Variants in SMYD3 observed in about 807,000 individuals in gnomAD.
The protein encoded by SMYD3 is histone-lysine N-methyltransferase SMYD3.
A neutral mutation model predicts 57.7 loss-of-function variants in SMYD3; 36 were observed. The observed-to-expected ratio is 0.62, with a 90% CI of 0.48 to 0.82. The LOEUF (loss-of-function observed/expected upper bound fraction) is 0.82. Among genes scored for constraint, SMYD3 ranks in the 40% least tolerant of loss-of-function variants. The probability of loss-of-function intolerance (pLI) is 0.00; values close to 1 mark genes in which losing one functional copy is unlikely to be tolerated. For missense variants in SMYD3, 515 were observed against 538.8 expected, an observed-to-expected ratio of 0.96 and a Z score of 0.44; for synonymous variants, 211 against 195.0, an observed-to-expected ratio of 1.08 and a Z score of -0.68.
intron 10 of SMYD3, among the ~76,000 whole-genome samples, chr1:245,813,171 C>A (rs1192419398): frequency 2.0e-5 from 3 of 151,828 alleles, no homozygotes; most frequent in Non-Finnish European, 2.9e-5. Context: ...CCCGCCACCA[C>A]GCCCGGCTAA....
intron 5 of SMYD3, among the ~76,000 whole-genome samples, chr1:246,003,178 C>T (rs2059109373): frequency 6.6e-6 from 1 of 152,124 alleles, no homozygotes; most frequent in African/African-American, 2.4e-5. Context: ...ACAGAAGAAC[C>T]GAACCCAGAA....
At chr1:246,463,833 C>CAAAAAAAAAA (rs35826530) in intron 1 of SMYD3, among the ~76,000 whole-genome samples, 1 of 70,486 alleles carries the variant, frequency 1.4e-5, no homozygotes, top group African/African-American at 6.1e-5. Flanking sequence ...GACCCCGTCT[C>CAAAAAAAAAA]AAAAAAAAAA....
intron 10 of SMYD3, among the ~76,000 whole-genome samples, chr1:245,821,044 T>A (rs2049127990): frequency 6.6e-6 from 1 of 150,746 alleles, no homozygotes; most frequent in African/African-American, 2.4e-5. Flanking sequence ...GGAAAAAAAC[T>A]ACTTTAAAGT....
At chr1:246,237,632 A>G (rs916245763) in intron 5 of SMYD3, among the ~76,000 whole-genome samples, 3 of 152,248 alleles carry the variant, frequency 2.0e-5, no homozygotes, top group African/African-American at 7.2e-5. Flanking sequence ...CTTTTGAATG[A>G]CATTTTAAAA....
intron 5 of SMYD3, among the ~76,000 whole-genome samples, chr1:246,078,630 G>A (rs1407628930): frequency 1.3e-5 from 2 of 152,206 alleles, no homozygotes; most frequent in African/African-American, 4.8e-5. Flanking sequence ...AGAAGTGACT[G>A]AAGGAAGGGT....
intron 11 of SMYD3, among the ~76,000 whole-genome samples, chr1:245,756,309 T>G (rs2045604544): frequency 6.6e-6 from 1 of 151,758 alleles, no homozygotes. Context: ...TGTAATACAA[T>G]TGCCCTAAAT....
chr1:245,884,429 T>C (rs1252650491), intron 8 of SMYD3, among the ~76,000 whole-genome samples: 1 of 152,018 alleles, frequency 6.6e-6, no homozygotes, highest in Non-Finnish European at 1.5e-5. Flanking sequence ...GGTTTTGTGG[T>C]GAAATGCATG....
At chr1:246,029,174 C>T (rs1231070614) in intron 5 of SMYD3, among the ~76,000 whole-genome samples, 1 of 152,106 alleles carries the variant, frequency 6.6e-6, no homozygotes, top group Non-Finnish European at 1.5e-5. Flanking sequence ...ATGGCTAAGA[C>T]CTCAAAAGTA....
intron 5 of SMYD3, among the ~76,000 whole-genome samples, chr1:246,162,397 A>AT (rs2062137225): frequency 6.6e-6 from 1 of 152,174 alleles, no homozygotes; most frequent in African/African-American, 2.4e-5. Context: ...CATATAAATA[A>AT]ATATTTCTGA....
intron 5 of SMYD3, among the ~76,000 whole-genome samples, chr1:246,117,319 G>C (rs193088864): frequency 1.3e-5 from 2 of 152,198 alleles, no homozygotes; most frequent in South Asian, 2.1e-4. Context: ...AGCACCTTCC[G>C]TTAGAAGGAA....
intron 5 of SMYD3, among the ~76,000 whole-genome samples, chr1:246,273,780 T>C (rs1176124374): frequency 6.6e-6 from 1 of 151,844 alleles, no homozygotes; most frequent in African/African-American, 2.4e-5. Flanking sequence ...AGACAGGGTT[T>C]CACCATGTTG....
At chr1:245,792,931 A>T (rs2047337130) in intron 10 of SMYD3, among the ~76,000 whole-genome samples, 1 of 152,190 alleles carries the variant, frequency 6.6e-6, no homozygotes, top group Non-Finnish European at 1.5e-5. Flanking sequence ...GTTATAAAAC[A>T]CTGTGCTGAA....
intron 5 of SMYD3, among the ~76,000 whole-genome samples, chr1:246,239,744 C>T (rs1434296655): frequency 6.6e-6 from 1 of 151,918 alleles, no homozygotes; most frequent in Non-Finnish European, 1.5e-5. Flanking sequence ...ACATCTTCTC[C>T]AGCACCTGTT....
At chr1:246,139,867 C>T (rs758183501) in intron 5 of SMYD3, among the ~76,000 whole-genome samples, 3 of 152,184 alleles carry the variant, frequency 2.0e-5, no homozygotes, top group Non-Finnish European at 4.4e-5. Flanking sequence ...TTTAAATATG[C>T]CATGGATAGT....
chr1:245,894,117 C>T (rs1387901982), intron 8 of SMYD3, among the ~76,000 whole-genome samples: 1 of 152,170 alleles, frequency 6.6e-6, no homozygotes, highest in South Asian at 2.1e-4. Context: ...TTCTGTCTTA[C>T]AAGGGGATTG....
intron 5 of SMYD3, among the ~76,000 whole-genome samples, chr1:245,990,139 G>A (rs2058785874): frequency 6.6e-6 from 1 of 152,124 alleles, no homozygotes; most frequent in Non-Finnish European, 1.5e-5. Context: ...GTGTGATCAT[G>A]GCTCACTGCA....
At chr1:246,133,537 T>A (rs1156778910) in intron 5 of SMYD3, among the ~76,000 whole-genome samples, 1 of 152,138 alleles carries the variant, frequency 6.6e-6, no homozygotes, top group African/African-American at 2.4e-5. Flanking sequence ...TAGTTAAGAA[T>A]GTACAGGAAA....
chr1:246,459,268 GTCC>G (rs1434589872), intron 1 of SMYD3, among the ~76,000 whole-genome samples: 3 of 144,500 alleles, frequency 2.1e-5, no homozygotes, highest in Admixed American at 7.0e-5. Context: ...TCGTGATAGA[GTCC>G]TCAAGAGATC....
At chr1:246,418,196 A>C (rs2102994106) in intron 1 of SMYD3, among the ~76,000 whole-genome samples, 1 of 152,386 alleles carries the variant, frequency 6.6e-6, no homozygotes, top group South Asian at 2.1e-4. Flanking sequence ...ATACTCTCTA[A>C]GACCAAAAAG....
Sources: allele counts gnomAD v4.1 joint callset (sites outside exome capture counted in the v4.1 genomes callset), GRCh38; gene constraint gnomAD v4.1.1; transcripts MANE v1.5; gene names NCBI Gene and HGNC (gene_info 2026-07-23, HGNC 2026-07-21).